Variants in KATNA1 observed in about 807,000 individuals in gnomAD.
The protein encoded by KATNA1 is katanin p60 ATPase-containing subunit A1.
KATNA1 carries 42 observed loss-of-function variants against 62.6 expected under a neutral mutation model. The ratio of observed to expected loss-of-function variants is 0.67; its 90% confidence interval spans 0.52 to 0.87. The LOEUF (loss-of-function observed/expected upper bound fraction) is 0.87. KATNA1 is among the 40% of genes least tolerant of loss of function. The pLI is 0.00. For synonymous variants in KATNA1, 186 were observed against 201.9 expected, an observed-to-expected ratio of 0.92 and a Z score of 0.67; for missense variants, 498 against 612.5, an observed-to-expected ratio of 0.81 and a Z score of 1.97.
chr6:149,605,224 G>A (rs1362927775), intron 4 of KATNA1, among the ~76,000 whole-genome samples: 2 of 149,104 alleles, frequency 1.3e-5, no homozygotes, highest in Non-Finnish European at 3.0e-5. Context: ...TAGGACCAAA[G>A]ACTCTAAGTC....
Position 149,601,744 on chromosome 6 carries a change from C to T in KATNA1, c.738G>A (p.Leu246=). 6.2e-7 allele frequency: 1 copy of T among 1,600,754 alleles called. No homozygotes were observed. The highest frequency in any genetic ancestry group is 1.1e-5 in the South Asian group (1 of 88,592). ...KGIRRPWKGV[L]MVGPPGTGKT... ...TCCCCGTGCCAGGTGGGCCGACCAT[C>T]AGTACTCCCTGTTGCGAATATAATA... The change falls in exon 7 of 11, where the codon CTG becomes CTA. Residue 246 remains leucine (L), a synonymous_variant. Coordinates refer to ENST00000367411, the MANE Select transcript of KATNA1 (RefSeq NM_007044.4).
intron 6 of KATNA1, among the ~76,000 whole-genome samples, chr6:149,602,550 G>T (rs997945520): frequency 1.3e-5 from 2 of 151,932 alleles, no homozygotes; most frequent in Non-Finnish European, 2.9e-5. Context: ...ATCAGCCCAT[G>T]ACTTTAAAAA....
At chr6:149,617,989 A>AATATATAT (rs1209706203) in intron 4 of KATNA1, among the ~76,000 whole-genome samples, 2 of 141,690 alleles carry the variant, frequency 1.4e-5, no homozygotes, top group Non-Finnish European at 3.0e-5. Context: ...TAAATAAATA[A>AATATATAT]ATATATATAT....
rs1778398427 is a variant in KATNA1, at chr6:149,598,140, T to C, written c.1015+84A>G. On this transcript the variant is annotated intron_variant, in intron 8 of 10. Coordinates refer to ENST00000367411, the MANE Select transcript of KATNA1 (RefSeq NM_007044.4). ...CTATTAAAAGCTTGGGTTAGCACTA[T>C]GAGTAAAGTTTGACCCACTGGAACT... is the stretch of plus-strand genomic sequence containing the variant. 2.7e-6 allele frequency: 4 copies of C among 1,471,712 alleles called. No individual in the cohort carries two copies. The Middle Eastern group carries it at 7.3e-4, about 269-fold the overall frequency. The allele number at this position is 1,471,712 out of a possible 1,614,324, so 91.2% of individuals were successfully genotyped here.
chr6:149,644,513 CAGG>C (rs1309225348), intron 1 of KATNA1, among the ~76,000 whole-genome samples: 2 of 151,766 alleles, frequency 1.3e-5, no homozygotes, highest in Non-Finnish European at 2.9e-5. Flanking sequence ...TCCCAGCTAC[CAGG>C]AGGTTGAGGT....
chr6:149,626,561 C>T (rs1459949531), intron 3 of KATNA1, among the ~76,000 whole-genome samples: 1 of 150,728 alleles, frequency 6.6e-6, no homozygotes, highest in African/African-American at 2.4e-5. Flanking sequence ...GGATTACAGG[C>T]GTGAGCCACC....
In KATNA1 at chr6:149,603,440, A is replaced by G. The variant is rs183298306; in HGVS notation, c.624-67T>C. 4.1e-6 allele frequency: 3 copies of G among 723,516 alleles called. No individual in the cohort carries two copies. The African/African-American group carries it at 5.4e-5, about 13-fold the overall frequency. 44.8% of individuals were successfully genotyped at this position (723,516 alleles called of 1,614,324 possible). A position where few individuals can be genotyped will look rare whatever the true frequency, so the allele number is the denominator to read the frequency against. On this transcript the variant is annotated intron_variant, in intron 5 of 10. Transcript: ENST00000367411. ...CATGTCTATGCAGTCACTCTTGAGA[A>G]CCACTGGAAGCACATGATGTTGCAC...
At chr6:149,633,372 G>A (rs1779930450) in intron 2 of KATNA1, among the ~76,000 whole-genome samples, 1 of 152,058 alleles carries the variant, frequency 6.6e-6, no homozygotes, top group Admixed American at 6.6e-5. Flanking sequence ...CTCCCAAAAT[G>A]CTGGGATTAC....
chr6:149,618,765 T>C (rs1193540826), intron 4 of KATNA1, among the ~76,000 whole-genome samples: 1 of 152,148 alleles, frequency 6.6e-6, no homozygotes, highest in Non-Finnish European at 1.5e-5. Context: ...CTGAGAAAAC[T>C]AGATATCCAT....
At chr6:149,618,608 C>T (rs1195595351) in intron 4 of KATNA1, among the ~76,000 whole-genome samples, 1 of 152,166 alleles carries the variant, frequency 6.6e-6, no homozygotes, top group Non-Finnish European at 1.5e-5. Context: ...GTAACCAAAA[C>T]AGCATGGTAC....
chr6:149,641,108 G>A (rs1780266059), intron 1 of KATNA1, among the ~76,000 whole-genome samples: 2 of 151,216 alleles, frequency 1.3e-5, no homozygotes, highest in African/African-American at 4.9e-5. Flanking sequence ...GATCTCGGGT[G>A]ATCTGCCCAC....
intron 2 of KATNA1, among the ~76,000 whole-genome samples, chr6:149,636,087 T>C (rs900070583): frequency 2.0e-5 from 3 of 151,642 alleles, no homozygotes; most frequent in Non-Finnish European, 4.4e-5. Flanking sequence ...TGGTAAAAAA[T>C]AAAAATAAAA....
chr6:149,620,195 G>A (rs1275648592), intron 4 of KATNA1, among the ~76,000 whole-genome samples: 2 of 152,216 alleles, frequency 1.3e-5, no homozygotes, highest in African/African-American at 4.8e-5. Flanking sequence ...ATGGGTAGGG[G>A]AAGGTGGGTG....
At position 149,643,688 on chromosome 6, in the gene KATNA1, C is replaced by CT. The variant is rs760035804; in HGVS notation, c.-14+4780dup. ...GACTGAATACTGCCTAGTTGTTGTC[C>CT]TTTTTTTTTTTTTTGAGACAGGGTC... is the stretch of plus-strand genomic sequence containing the variant. On this transcript the variant is annotated intron_variant, in intron 1 of 10. Transcript: ENST00000367411. 2.7e-3 allele frequency among the ~76,000 whole-genome samples: 388 copies of CT among 142,788 alleles called. 1 individual carries two copies. The highest frequency in any genetic ancestry group is 4.9e-3 in the African/African-American group (191 of 39,182). The allele number at this position is 142,788 out of a possible 152,430, so 93.7% of individuals were successfully genotyped here.
intron 1 of KATNA1, among the ~76,000 whole-genome samples, chr6:149,648,235 G>A (rs1280878432): frequency 6.6e-6 from 1 of 152,172 alleles, no homozygotes; most frequent in Non-Finnish European, 1.5e-5. Context: ...CAAAAGATGG[G>A]ATCGACAGGA....
intron 1 of KATNA1, among the ~76,000 whole-genome samples, chr6:149,647,347 C>A (rs1209521544): frequency 6.6e-6 from 1 of 151,524 alleles, no homozygotes; most frequent in Non-Finnish European, 1.5e-5. Flanking sequence ...CATGGTGAAA[C>A]CCCATCTCTA....
At chr6:149,617,733 G>A (rs1179299453) in intron 4 of KATNA1, among the ~76,000 whole-genome samples, 1 of 151,970 alleles carries the variant, frequency 6.6e-6, no homozygotes, top group Admixed American at 6.6e-5. Context: ...TCAGGAGTTC[G>A]AAACCAGCCT....
chr6:149,632,715 T>A (rs778471145), intron 3 of KATNA1, 44 bp downstream of exon 3: 11 of 1,557,454 alleles, frequency 7.1e-6, no homozygotes, highest in East Asian at 2.3e-5. Flanking sequence ...ATCAATGCTA[T>A]AAGCTTCTTG....
At chr6:149,609,529 G>T (rs1778865819) in intron 4 of KATNA1, among the ~76,000 whole-genome samples, 1 of 151,964 alleles carries the variant, frequency 6.6e-6, no homozygotes, top group Non-Finnish European at 1.5e-5. Flanking sequence ...TCTCGGCCAG[G>T]CATGGTGGCT....
Sources: gnomAD v4.1 joint callset for allele counts (sites outside exome capture counted in the v4.1 genomes callset) on GRCh38, gnomAD v4.1.1 for gene constraint, MANE v1.5 for transcripts, NCBI Gene and HGNC (gene_info 2026-07-23, HGNC 2026-07-21) for gene names.